Variants in MEGF11 observed in about 807,000 individuals in gnomAD.
The protein encoded by MEGF11 is multiple epidermal growth factor-like domains protein 11.
A neutral mutation model predicts 146.6 loss-of-function variants in MEGF11; 126 were observed. The ratio of observed to expected loss-of-function variants is 0.86; its 90% CI spans 0.74 to 1.00. The LOEUF (loss-of-function observed/expected upper bound fraction) is 1.00. Ranked by LOEUF, MEGF11 falls within the 50% of genes least tolerant of loss-of-function variation. MEGF11 has a pLI of 0.00. For missense variants in MEGF11, 1,509 were observed against 1,521.2 expected (o/e 0.99, Z 0.13); for synonymous variants, 532 against 583.4 (o/e 0.91, Z 1.27).
At chr15:65,903,367 G>A (rs1242873936) in intron 24 of MEGF11, among the ~76,000 whole-genome samples, 1 of 152,210 alleles carries the variant, frequency 6.6e-6, no homozygotes, top group East Asian at 1.9e-4. Context: ...GGGAGAAGGG[G>A]AAATAGAAGG....
At chr15:66,158,661 GA>G (rs1449864164) in intron 1 of MEGF11, among the ~76,000 whole-genome samples, 2 of 152,234 alleles carry the variant, frequency 1.3e-5, no homozygotes, top group Non-Finnish European at 2.9e-5. Context: ...CAGGATTTTT[GA>G]AAGCTTCTCC....
intron 10 of MEGF11, among the ~76,000 whole-genome samples, chr15:65,956,424 A>C (rs978490650): frequency 1.3e-5 from 2 of 152,222 alleles, no homozygotes; most frequent in African/African-American, 4.8e-5. Flanking sequence ...TTGACACCTG[A>C]TAGCAACCTT....
intron 5 of MEGF11, among the ~76,000 whole-genome samples, chr15:66,066,534 C>T (rs966534772): frequency 6.6e-6 from 1 of 152,244 alleles, no homozygotes; most frequent in Admixed American, 6.5e-5. Flanking sequence ...CCAAGCTGTC[C>T]TCCCTGGCTG....
intron 1 of MEGF11, among the ~76,000 whole-genome samples, chr15:66,148,926 A>G (rs1381032296): frequency 1.3e-5 from 2 of 152,182 alleles, no homozygotes; most frequent in Non-Finnish European, 2.9e-5. Context: ...TTGAATAGTA[A>G]GAGGACTTTT....
chr15:66,142,512 G>T (rs1443927242), intron 1 of MEGF11, among the ~76,000 whole-genome samples: 1 of 152,216 alleles, frequency 6.6e-6, no homozygotes, highest in African/African-American at 2.4e-5. Flanking sequence ...AAGCCAAATG[G>T]TAGAGCTGTG....
chr15:66,059,713 G>T (rs1008892815), intron 5 of MEGF11, among the ~76,000 whole-genome samples: 1 of 152,052 alleles, frequency 6.6e-6, no homozygotes. Flanking sequence ...ATCCCCATTT[G>T]TCAGGGCCAG....
At chr15:65,959,179 G>A (rs1339495413) in intron 9 of MEGF11, among the ~76,000 whole-genome samples, 4 of 152,160 alleles carry the variant, frequency 2.6e-5, no homozygotes, top group East Asian at 1.9e-4. Context: ...TTGCAGCTCC[G>A]TGGGGGAGAG....
At chr15:66,044,950 G>C in intron 5 of MEGF11, among the ~76,000 whole-genome samples, 2 of 151,638 alleles carry the variant, frequency 1.3e-5, no homozygotes, top group East Asian at 3.9e-4. Flanking sequence ...TCCACAGAAC[G>C]AGGAGCTGGG....
intron 1 of MEGF11, among the ~76,000 whole-genome samples, chr15:66,129,449 G>T (rs1248814559): frequency 6.6e-6 from 1 of 152,204 alleles, no homozygotes; most frequent in African/African-American, 2.4e-5. Context: ...AGATGCTATC[G>T]TGATTTATTT....
chr15:65,946,502 C>T (rs1382640665), intron 10 of MEGF11, among the ~76,000 whole-genome samples: 2 of 152,186 alleles, frequency 1.3e-5, no homozygotes, highest in East Asian at 1.9e-4. Flanking sequence ...AAGCTATTCT[C>T]ATGCCTCAGC....
At chr15:66,218,206 A>T (rs1241824670) in intron 1 of MEGF11, among the ~76,000 whole-genome samples, 1 of 152,216 alleles carries the variant, frequency 6.6e-6, no homozygotes, top group East Asian at 1.9e-4. Context: ...AATGTGGTTC[A>T]TCCCTAGAGG....
chr15:66,189,824 G>C (rs75587534), intron 1 of MEGF11, among the ~76,000 whole-genome samples: 3,882 of 124,464 alleles, frequency 0.031, 152 homozygotes, highest in African/African-American at 0.11. Flanking sequence ...TGAGCAACAG[G>C]GGAAAGATGA....
At chr15:66,115,060 C>T (rs112473698) in intron 4 of MEGF11, among the ~76,000 whole-genome samples, 251 of 152,356 alleles carry the variant, frequency 1.6e-3, no homozygotes, top group Middle Eastern at 0.01. Context: ...AAGGCTTTCA[C>T]GCCCGGGCCT....
intron 7 of MEGF11, among the ~76,000 whole-genome samples, chr15:65,971,967 A>G (rs1567183375): frequency 1.3e-5 from 2 of 152,242 alleles, no homozygotes; most frequent in Non-Finnish European, 2.9e-5. Flanking sequence ...CATTGCACCT[A>G]TGAAAGAACA....
intron 4 of MEGF11, among the ~76,000 whole-genome samples, chr15:66,116,348 T>C (rs1231682477): frequency 6.6e-6 from 1 of 152,036 alleles, no homozygotes; most frequent in African/African-American, 2.4e-5. Flanking sequence ...TTTCTAACTC[T>C]TCTCTTCTAT....
At chr15:66,199,716 G>A (rs2091102389) in intron 1 of MEGF11, among the ~76,000 whole-genome samples, 1 of 152,168 alleles carries the variant, frequency 6.6e-6, no homozygotes, top group Non-Finnish European at 1.5e-5. Context: ...TTTGGCCCAG[G>A]AGATGGAGGC....
chr15:65,976,275 A>C (rs1344268847), intron 7 of MEGF11, among the ~76,000 whole-genome samples: 1 of 152,102 alleles, frequency 6.6e-6, no homozygotes, highest in African/African-American at 2.4e-5. Context: ...TCCTGACCTC[A>C]GGTGATCCAC....
In MEGF11 at chr15:65,929,750, C is replaced by T. The variant is rs1460789862; in HGVS notation, c.1542G>A (p.Trp514Ter). The change falls in exon 12 of 26, where the codon TGG becomes TGA. Residue 514 changes from tryptophan (W) to a stop codon, truncating the protein, a stop_gained. Coordinates refer to ENST00000395614, the MANE Select transcript of MEGF11 (RefSeq NM_001385028.1). LOFTEE classifies it high-confidence loss of function. ...AAGGCAGCTCACAGGTGTCTCCCAG[C>T]CAGCCAGGAGTGCAGGAGCAGGAGC... ...IDGSCSCTPGWLGDTCELPCP... is the reference protein window; with the variant it reads ...IDGSCSCTPG 6.4e-7 allele frequency: 1 copy of T among 1,552,618 alleles called. No homozygotes were observed. The highest frequency in any genetic ancestry group is 8.7e-7 in the Non-Finnish European group (1 of 1,147,566).
chr15:66,213,505 G>C (rs1464922572), intron 1 of MEGF11, among the ~76,000 whole-genome samples: 3 of 152,038 alleles, frequency 2.0e-5, no homozygotes, highest in Non-Finnish European at 4.4e-5. Flanking sequence ...AGAACTTTTT[G>C]TCTGATAGTG....
Sources: gnomAD v4.1 joint callset for allele counts (sites outside exome capture counted in the v4.1 genomes callset) on GRCh38, gnomAD v4.1.1 for gene constraint, MANE v1.5 for transcripts, NCBI Gene and HGNC (gene_info 2026-07-23, HGNC 2026-07-21) for gene names.